Variants in HMCN2 observed in about 807,000 individuals in gnomAD.
The protein encoded by HMCN2 is hemicentin-2.
Under a neutral mutation model 377.5 loss-of-function variants are expected in HMCN2, and 325 were observed. The ratio of observed to expected loss-of-function variants is 0.86; its 90% CI spans 0.79 to 0.94. The LOEUF is 0.94. Among genes scored for constraint, HMCN2 ranks in the 40% least tolerant of loss-of-function variants. The probability of loss-of-function intolerance (pLI) is 0.00; values close to 1 mark genes in which losing one functional copy is unlikely to be tolerated. For synonymous variants in HMCN2, 2,007 were observed against 2,046.8 expected, an observed-to-expected ratio of 0.98 and a Z score of 0.53; for missense variants, 4,543 against 4,725.3, an observed-to-expected ratio of 0.96 and a Z score of 1.13.
At position 130,360,441 on chromosome 9, in the gene HMCN2, C is replaced by T. The variant is rs1420585927; in HGVS notation, c.5787C>T (p.Phe1929=). The change falls in exon 38 of 98, where the codon TTC becomes TTT. Residue 1929 remains phenylalanine (F), a synonymous_variant. Coordinates refer to ENST00000683500, the MANE Select transcript of HMCN2 (RefSeq NM_001291815.2). This position sits in a 1 kb window ranked among gnomAD's most constrained non-coding sequence, Gnocchi z 4.7. The part of the protein sequence containing the change: ...SGVPPPDVSW[F]KGHQPVSSWM... The stretch of plus-strand genomic sequence containing the variant: ...TCCTTTCCCCAGATGTCTCCTGGTT[C>T]AAGGGCCACCAACCTGTCTCTTCAT... 1.5e-6 allele frequency: 2 copies of T among 1,299,338 alleles called. No individual in the cohort carries two copies. Among genetic ancestry groups the T allele is most frequent in the South Asian group, 2.5e-5 (2 of 80,604 alleles). 80.5% of individuals were successfully genotyped at this position (1,299,338 alleles called of 1,614,324 possible). A position where few individuals can be genotyped will look rare whatever the true frequency, so the allele number is the denominator to read the frequency against.
chr9:130,365,691 G>C lies in HMCN2; in HGVS notation c.6469G>C (p.Gly2157Arg). The C allele has an allele frequency of 1.0e-6, 1 of 985,912 alleles. No individual in the cohort carries two copies. Among genetic ancestry groups the C allele is most frequent in the Non-Finnish European group, 1.2e-6 (1 of 829,984 alleles). 61.1% of individuals were successfully genotyped at this position (985,912 alleles called of 1,614,324 possible). ...CACCTGTGAGGCACTGAACCAGGCCGGCCACTCAGAGAAACACTACAATCT... is the reference window on the plus strand; with the variant it reads ...CACCTGTGAGGCACTGAACCAGGCCCGCCACTCAGAGAAACACTACAATCT... ...HYTCEALNQA[G>R]HSEKHYNLNV... The change falls in exon 42 of 98, where the codon GGC becomes CGC. Residue 2157 changes from glycine to arginine, a missense_variant. Physicochemically the swap from Gly to Arg is moderately radical, Grantham distance 125. Around this residue, in one of 5 missense-constraint regions of HMCN2, gnomAD observed 1,032 missense variants for 1,285.1 expected, o/e 0.80. Transcript: ENST00000683500.
chr9:130,428,470 T>G lies in HMCN2; in HGVS notation c.14178T>G (p.Ala4726=), dbSNP rs747791129. ...LPDCGPGFRV[A]DGAGCEDVDE... is the part of the protein sequence containing the mutation. ...ACTGTGGGCCTGGCTTCCGGGTGGC[T>G]GATGGGGCCGGCTGTGAAGGTGATG... Residue 4726 remains alanine (A), a synonymous_variant, in exon 93 of 98, where the codon GCT becomes GCG. Transcript: ENST00000683500. The surrounding 1 kb of genome is among the most constrained non-coding windows in gnomAD (Gnocchi z 5.0). 1 of 1,542,374 alleles carries G rather than the reference T, an allele frequency of 6.5e-7. No individual in the cohort carries two copies. Among genetic ancestry groups the G allele is most frequent in the South Asian group, 1.2e-5 (1 of 84,054 alleles).
chr9:130,429,960 G>A (rs1334488642), intron 94 of HMCN2: 2 of 611,896 alleles, frequency 3.3e-6, no homozygotes, highest in East Asian at 2.9e-5. Context: ...AGGAGGGGGA[G>A]GACTGTGGAG....
Position 130,434,036 on chromosome 9 carries a change from T to A in HMCN2, c.*343T>A. ...CGCGGGAGAGGGGGCAGACCCCGCG[T>A]TAGGGGTGGCAGCAGCTGTCGCCCG... On this transcript the variant is annotated 3_prime_UTR_variant, in exon 98 of 98. Coordinates refer to ENST00000683500, the MANE Select transcript of HMCN2 (RefSeq NM_001291815.2). 1 of 250,918 alleles carries A rather than the reference T, an allele frequency of 4.0e-6. No homozygotes were observed. The highest frequency in any genetic ancestry group is 7.6e-6 in the Non-Finnish European group (1 of 132,344). The allele number at this position is 250,918 out of a possible 1,614,324, so 15.5% of individuals were successfully genotyped here. A position where few individuals can be genotyped will look rare whatever the true frequency, so the allele number is the denominator to read the frequency against.
At chr9:130,401,634 T>C (rs1028095589) in intron 77 of HMCN2, among the ~76,000 whole-genome samples, 1 of 152,148 alleles carries the variant, frequency 6.6e-6, no homozygotes, top group Non-Finnish European at 1.5e-5. Flanking sequence ...AACATGGTGA[T>C]TTTTAAAATG....
chr9:130,409,921 C>T (rs1484450373), intron 84 of HMCN2, among the ~76,000 whole-genome samples: 4 of 152,324 alleles, frequency 2.6e-5, no homozygotes, highest in African/African-American at 9.6e-5. Flanking sequence ...GCCCCAGGCC[C>T]ATCTGATGGT....
intron 22 of HMCN2, among the ~76,000 whole-genome samples, chr9:130,332,050 C>T (rs938065331): frequency 6.6e-6 from 1 of 152,178 alleles, no homozygotes; most frequent in Non-Finnish European, 1.5e-5. Context: ...GTGAGGCCTG[C>T]AGCTGGGATC....
intron 22 of HMCN2, among the ~76,000 whole-genome samples, chr9:130,333,229 T>A (rs1378592397): frequency 6.6e-6 from 1 of 152,148 alleles, no homozygotes; most frequent in Non-Finnish European, 1.5e-5. Context: ...GACAGCGTAA[T>A]GACAGGCGTG....
At chr9:130,399,679 G>T in intron 76 of HMCN2, 47 bp downstream of exon 76, 3 of 1,239,642 alleles carry the variant, frequency 2.4e-6, no homozygotes, top group Non-Finnish European at 2.1e-6. Context: ...TGGGGGCAGC[G>T]CCTTCCCGCT....
intron 75 of HMCN2, among the ~76,000 whole-genome samples, 191 bp downstream of exon 75, chr9:130,398,898 T>C (rs1842736910): frequency 1.3e-5 from 2 of 152,132 alleles, no homozygotes; most frequent in Admixed American, 1.3e-4. Flanking sequence ...GCACTGGGGA[T>C]ATACAGCTAA....
At chr9:130,335,124 G>GA (rs1162020812) in intron 22 of HMCN2, among the ~76,000 whole-genome samples, 4 of 152,134 alleles carry the variant, frequency 2.6e-5, no homozygotes, top group African/African-American at 9.7e-5. Context: ...CAGCATGTCT[G>GA]AAGCACAGTT....
intron 73 of HMCN2, among the ~76,000 whole-genome samples, 186 bp downstream of exon 73, chr9:130,396,499 C>T (rs1002316675): frequency 6.6e-6 from 1 of 152,134 alleles, no homozygotes; most frequent in African/African-American, 2.4e-5. Flanking sequence ...GATCAGAAGC[C>T]TTGATAGATG....
intron 65 of HMCN2, among the ~76,000 whole-genome samples, 172 bp from the exon 66 acceptor site, chr9:130,391,763 G>A (rs936449232): frequency 3.3e-5 from 5 of 152,034 alleles, no homozygotes; most frequent in African/African-American, 1.2e-4. Context: ...GAGGTGAGAA[G>A]AGAGTCAGGG....
In HMCN2 at chr9:130,394,479, C is replaced by G; in HGVS notation, c.10596C>G (p.Pro3532=). ...MELLCDAQGT[P]QPNITWHKDG... ...TCCTCTGTGATGCCCAGGGCACCCCCCAGCCCAACATCACCTGGCATAAGG... is the reference window on the plus strand; with the variant it reads ...TCCTCTGTGATGCCCAGGGCACCCCGCAGCCCAACATCACCTGGCATAAGG... The change falls in exon 69 of 98, where the codon CCC becomes CCG. Residue 3532 remains proline, a synonymous_variant. Coordinates refer to ENST00000683500, the MANE Select transcript of HMCN2 (RefSeq NM_001291815.2). The surrounding 1 kb of genome is among the most constrained non-coding windows in gnomAD (Gnocchi z 5.1). The G allele has an allele frequency of 2.9e-5, 37 of 1,289,840 alleles. No homozygotes were observed. Among genetic ancestry groups the G allele is most frequent in the Non-Finnish European group, 3.6e-5 (36 of 988,860 alleles). 79.9% of individuals were successfully genotyped at this position (1,289,840 alleles called of 1,614,324 possible).
In HMCN2 at chr9:130,433,452, T is replaced by A. The variant is rs1174515791; in HGVS notation, c.14999T>A (p.Val5000Glu). 6.7e-7 allele frequency: 1 copy of A among 1,498,778 alleles called. No homozygotes were observed. The highest frequency in any genetic ancestry group is 1.5e-5 in the African/African-American group (1 of 68,738). 92.8% of individuals were successfully genotyped at this position (1,498,778 alleles called of 1,614,324 possible). A position where few individuals can be genotyped will look rare whatever the true frequency, so the allele number is the denominator to read the frequency against. The change falls in exon 98 of 98, where the codon GTG (valine) becomes GAG (glutamate). Residue 5000 changes from valine (V) to glutamate (E), a missense_variant. This residue lies in a region of HMCN2 where 1,155 missense variants were observed against 1,157.7 expected (regional missense o/e 1.00). Transcript: ENST00000683500. ...CTGGGCGTGCGCGCCCACCACGACG[T>A]GGCCCGCCTCACCGCCTTCTCCGAG... is the stretch of plus-strand genomic sequence containing the variant. ...LPLGVRAHHD[V>E]ARLTAFSEVG...
intron 85 of HMCN2, among the ~76,000 whole-genome samples, chr9:130,411,916 A>G (rs1349242339): frequency 6.6e-6 from 1 of 151,870 alleles, no homozygotes; most frequent in African/African-American, 2.4e-5. Context: ...TGAAGTGTAC[A>G]CTTACAAATG....
intron 1 of HMCN2, among the ~76,000 whole-genome samples, chr9:130,269,620 T>G (rs1263317037): frequency 6.7e-6 from 1 of 148,720 alleles, no homozygotes; most frequent in Non-Finnish European, 1.5e-5. Flanking sequence ...AAATGATATC[T>G]TCTTGTTTCA....
chr9:130,349,495 G>A (rs1839579620), intron 28 of HMCN2, 42 bp from the exon 29 acceptor site: 2 of 1,297,812 alleles, frequency 1.5e-6, no homozygotes, highest in Non-Finnish European at 2.0e-6. Flanking sequence ...GGGCTTGCAG[G>A]GTTTGAACAG....
At chr9:130,277,692 C>G (rs1834768339) in intron 1 of HMCN2, among the ~76,000 whole-genome samples, 1 of 151,662 alleles carries the variant, frequency 6.6e-6, no homozygotes, top group Admixed American at 6.6e-5. Context: ...CCACCATCAT[C>G]ATCACCACCA....
Sources: allele counts gnomAD v4.1 joint callset (sites outside exome capture counted in the v4.1 genomes callset), GRCh38; gene constraint gnomAD v4.1.1; regional missense constraint gnomAD v4.1.1; non-coding constraint Gnocchi (gnomAD v3.1); transcripts MANE v1.5; gene names NCBI Gene and HGNC (gene_info 2026-07-23, HGNC 2026-07-21).